Variants in DCAF5 observed in about 807,000 individuals in gnomAD.
DCAF5 encodes the protein DDB1 and CUL4 associated factor 5.
In DCAF5, 9 loss-of-function variants were observed where a neutral mutation model predicts 80.7. That is an observed-to-expected ratio of 0.11 (90% CI 0.07 to 0.19). The LOEUF is 0.19. Among genes scored for constraint, DCAF5 ranks in the 10% least tolerant of loss-of-function variants. The pLI is 1.00. For synonymous variants in DCAF5, 433 were observed against 461.9 expected, an observed-to-expected ratio of 0.94 and a Z score of 0.80; for missense variants, 842 against 1,205.7, an observed-to-expected ratio of 0.70 and a Z score of 4.47.
chr14:69,102,441 T>A (rs1203906982), intron 5 of DCAF5, among the ~76,000 whole-genome samples: 1 of 152,016 alleles, frequency 6.6e-6, no homozygotes, highest in East Asian at 1.9e-4. Flanking sequence ...TTTATAAACT[T>A]TTTTACTGTT....
chr14:69,147,595 C>T (rs1241027173), intron 1 of DCAF5, among the ~76,000 whole-genome samples: 1 of 152,116 alleles, frequency 6.6e-6, no homozygotes, highest in Non-Finnish European at 1.5e-5. Flanking sequence ...TCTACAATCT[C>T]TCTATATAGA....
At chr14:69,064,401 G>A (rs1239631028) in intron 7 of DCAF5, among the ~76,000 whole-genome samples, 1 of 151,980 alleles carries the variant, frequency 6.6e-6, no homozygotes, top group Non-Finnish European at 1.5e-5. Flanking sequence ...ACAGTCTCTT[G>A]TTTAATCCTA....
chr14:69,053,271 ATTTC>A lies in DCAF5; in HGVS notation c.*582_*585del, dbSNP rs1236858677. 1 of 152,292 alleles carries A rather than the reference ATTTC, an allele frequency of 6.6e-6. No individual in the cohort carries two copies. Among genetic ancestry groups the A allele is most frequent in the African/African-American group, 2.4e-5 (1 of 41,462 alleles). The allele number at this position is 152,292 out of a possible 1,614,324, so 9.4% of individuals were successfully genotyped here. ...GTGTTACTTAGAGAAAACATGGAAG[ATTTC>A]TTTAAGAAAGGAACCATGCTTTCCT... On this transcript the variant is annotated 3_prime_UTR_variant, in exon 9 of 9. Transcript: ENST00000341516.
rs754629419 is a variant in DCAF5 at position 69,054,656 on chromosome 14, T to C, written c.2030A>G (p.Asn677Ser). Residue 677 changes from asparagine (N) to serine (S), a missense_variant, in exon 9 of 9, where the codon AAC becomes AGC. By Grantham distance (46) the Asn-to-Ser change is conservative. Transcript: ENST00000341516. ...CACCAAGGAGGTCTCTCCATCTTTG[T>C]TATTTGAGTAGGAGATATAAGAGTA... is the stretch of plus-strand genomic sequence containing the variant. ...LRYSYISYSN[N>S]KDGETSLVTG... 6.2e-7 allele frequency: 1 copy of C among 1,614,160 alleles called. No homozygotes were observed. The highest frequency in any genetic ancestry group is 8.5e-7 in the Non-Finnish European group (1 of 1,180,016).
At chr14:69,125,557 CG>C (rs2040847856) in intron 1 of DCAF5, among the ~76,000 whole-genome samples, 1 of 152,096 alleles carries the variant, frequency 6.6e-6, no homozygotes, top group Non-Finnish European at 1.5e-5. Flanking sequence ...GGGAAATGTA[CG>C]TTATAATTTA....
chr14:69,122,073 T>A, intron 2 of DCAF5, 144 bp downstream of exon 2: 1 of 961,506 alleles, frequency 1.0e-6, no homozygotes, highest in Non-Finnish European at 1.6e-6. Flanking sequence ...AATACTGCTG[T>A]AATGCAGAAA....
intron 5 of DCAF5, among the ~76,000 whole-genome samples, chr14:69,114,033 G>C (rs1368826129): frequency 2.6e-5 from 4 of 152,130 alleles, no homozygotes; most frequent in Non-Finnish European, 5.9e-5. Context: ...AATTGAAGAA[G>C]AACTCAAAAC....
intron 7 of DCAF5, among the ~76,000 whole-genome samples, chr14:69,072,022 T>C (rs1249395419): frequency 6.6e-6 from 1 of 152,176 alleles, no homozygotes; most frequent in African/African-American, 2.4e-5. Flanking sequence ...AAAGAGGTTT[T>C]AGATTGGCAA....
At position 69,152,247 on chromosome 14, in the gene DCAF5, C is replaced by T. The variant is rs969579222; in HGVS notation, c.214+518G>A. Among the ~76,000 whole-genome samples the T allele has an allele frequency of 6.6e-6, 1 of 152,088 alleles. No individual in the cohort carries two copies. Among genetic ancestry groups the T allele is most frequent in the African/African-American group, 2.4e-5 (1 of 41,408 alleles). ...ACTTCCCCTCTGCAGACCCCGCCAG[C>T]CCCCGGGTCGCAGCCCCCGGCCCCT... On this transcript the variant is annotated intron_variant, in intron 1 of 8. Coordinates refer to ENST00000341516, the MANE Select transcript of DCAF5 (RefSeq NM_003861.3). The surrounding 1 kb of genome is among the most constrained non-coding windows in gnomAD (Gnocchi z 4.1).
chr14:69,119,167 AC>A, intron 3 of DCAF5, 26 bp downstream of exon 3: 1 of 1,604,942 alleles, frequency 6.2e-7, no homozygotes, highest in Non-Finnish European at 8.5e-7. Context: ...AAAGTCAATC[AC>A]CTTCACACAC....
At chr14:69,098,804 A>C (rs1204854780) in intron 5 of DCAF5, among the ~76,000 whole-genome samples, 1 of 146,990 alleles carries the variant, frequency 6.8e-6, no homozygotes, top group Non-Finnish European at 1.5e-5. Context: ...AGGCTGAGGC[A>C]GGAGAATGGC....
At chr14:69,091,583 C>A in intron 6 of DCAF5, 91 bp downstream of exon 6, 1 of 1,181,662 alleles carries the variant, frequency 8.5e-7, no homozygotes, top group Non-Finnish European at 1.2e-6. Flanking sequence ...TTCTACCTGA[C>A]ATAATGGTAA....
At chr14:69,080,609 T>C (rs1197703476) in intron 6 of DCAF5, among the ~76,000 whole-genome samples, 1 of 152,150 alleles carries the variant, frequency 6.6e-6, no homozygotes, top group African/African-American at 2.4e-5. Context: ...ACCCAGGAAA[T>C]CTGGTGTTTG....
Position 69,152,731 on chromosome 14 carries a change from G to A in DCAF5, c.214+34C>T, listed in dbSNP as rs1347887937. The A allele has an allele frequency of 2.6e-6, 4 of 1,560,718 alleles. No homozygotes were observed. The highest frequency in any genetic ancestry group is 3.5e-6 in the Non-Finnish European group (4 of 1,145,928). On this transcript the variant is annotated intron_variant, in intron 1 of 8. Transcript: ENST00000341516. The surrounding 1 kb of genome is among the most constrained non-coding windows in gnomAD (Gnocchi z 4.1). ...GAGAGGGGGAGGCTGGGAGGGTGCG[G>A]GGAGGCGCGGGGAGGGGAAGGGGGT...
chr14:69,097,209 T>C (rs2139988655), intron 5 of DCAF5, among the ~76,000 whole-genome samples: 1 of 152,186 alleles, frequency 6.6e-6, no homozygotes, highest in South Asian at 2.1e-4. Context: ...ATGCAAACAA[T>C]TGAAAACAAG....
Position 69,118,347 on chromosome 14 carries a change from T to TGGCACCCTC in DCAF5, c.396-70_396-69insGAGGGTGCC. On this transcript the variant is annotated intron_variant, in intron 3 of 8. Coordinates refer to ENST00000341516, the MANE Select transcript of DCAF5 (RefSeq NM_003861.3). This position sits in a 1 kb window ranked among gnomAD's most constrained non-coding sequence, Gnocchi z 4.0. The stretch of plus-strand genomic sequence containing the variant: ...AGCATAGTGCAGAGTCCCAGCACTT[T>TGGCACCCTC]GGTACCGAGGGTGCCATCTTTTCCA... 2 of 1,474,474 alleles carry TGGCACCCTC rather than the reference T, an allele frequency of 1.4e-6. No homozygotes were observed. Among genetic ancestry groups the TGGCACCCTC allele is most frequent in the Non-Finnish European group, 1.8e-6 (2 of 1,095,442 alleles). 91.3% of individuals were successfully genotyped at this position (1,474,474 alleles called of 1,614,324 possible). A position where few individuals can be genotyped will look rare whatever the true frequency, so the allele number is the denominator to read the frequency against.
At chr14:69,070,499 C>A (rs1566728985) in intron 7 of DCAF5, among the ~76,000 whole-genome samples, 1 of 152,202 alleles carries the variant, frequency 6.6e-6, no homozygotes, top group South Asian at 2.1e-4. Flanking sequence ...GACGCTCAGA[C>A]AAATACTATT....
At chr14:69,077,890 T>C (rs1280147022) in intron 6 of DCAF5, among the ~76,000 whole-genome samples, 1 of 152,162 alleles carries the variant, frequency 6.6e-6, no homozygotes, top group Non-Finnish European at 1.5e-5. Flanking sequence ...GAAAATGCTA[T>C]CTATAGGGAT....
At chr14:69,110,291 GAC>G (rs1220600067) in intron 5 of DCAF5, among the ~76,000 whole-genome samples, 2 of 90,720 alleles carry the variant, frequency 2.2e-5, no homozygotes, top group Non-Finnish European at 4.6e-5. Context: ...TTTTTTTTGA[GAC>G]AGAGTCTCAC....
Sources: allele counts gnomAD v4.1 joint callset (sites outside exome capture counted in the v4.1 genomes callset), GRCh38; gene constraint gnomAD v4.1.1; non-coding constraint Gnocchi (gnomAD v3.1); transcripts MANE v1.5; gene names NCBI Gene and HGNC (gene_info 2026-07-23, HGNC 2026-07-21).